SHISA9: variants seen among roughly 807,000 people sequenced by gnomAD.
SHISA9 encodes shisa family member 9.
A neutral mutation model predicts 38.0 loss-of-function variants in SHISA9; 13 were observed. That is an observed-to-expected ratio of 0.34 (90% CI 0.22 to 0.54). The LOEUF is 0.54. SHISA9 is among the 20% of genes least tolerant of loss of function. The probability of loss-of-function intolerance (pLI) is 0.91; values close to 1 mark genes in which losing one functional copy is unlikely to be tolerated. For synonymous variants in SHISA9, 275 were observed against 242.0 expected (o/e 1.14, Z -1.27); for missense variants, 538 against 575.8 (o/e 0.93, Z 0.67).
chr16:13,484,103 G>A, the SHISA9 span, among the ~76,000 whole-genome samples: 1 of 152,256 alleles, frequency 6.6e-6, no homozygotes, highest in African/African-American at 2.4e-5. Flanking sequence ...TCTCCAGGCA[G>A]ATAGTGTAAG....
At chr16:13,200,437 C>T (rs997658730) in intron 2 of SHISA9, among the ~76,000 whole-genome samples, 1 of 132,696 alleles carries the variant, frequency 7.5e-6, no homozygotes, top group African/African-American at 3.4e-5. Flanking sequence ...CACACACACA[C>T]ACACAGCAGC....
In SHISA9 at chr16:12,985,271, AAATGGAAGAGGTGTTG is replaced by A. The variant is rs774422378; in HGVS notation, c.691+68457_691+68472del. Reference sequence around the variant, plus strand: ...TAAATAAATAAATAAATAAATAAATAAATGGAAGAGGTGTTGGATGGGAGAGGGTGTTGGAAAGAAT... The same window carrying A: ...TAAATAAATAAATAAATAAATAAATAGATGGGAGAGGGTGTTGGAAAGAAT... On this transcript the variant is annotated intron_variant, in intron 2 of 4. Transcript: ENST00000558583. 2.2e-3 allele frequency among the ~76,000 whole-genome samples: 314 copies of A among 144,814 alleles called. 1 individual carries two copies. Among genetic ancestry groups the A allele is most frequent in the Admixed American group, 5.9e-3 (85 of 14,518 alleles).
intron 2 of SHISA9, among the ~76,000 whole-genome samples, chr16:12,974,476 GT>G (rs2072127998): frequency 1.4e-5 from 2 of 138,448 alleles, no homozygotes; most frequent in African/African-American, 5.3e-5. Context: ...GTGATTTCTG[GT>G]GGTTTTTTTT....
chr16:13,437,548 G>GC, the SHISA9 span, among the ~76,000 whole-genome samples: 1 of 152,092 alleles, frequency 6.6e-6, no homozygotes, highest in South Asian at 2.1e-4. Flanking sequence ...ACCCAGCCTG[G>GC]CCCCAGGGCC....
chr16:13,450,889 C>T, the SHISA9 span, among the ~76,000 whole-genome samples: 4 of 152,160 alleles, frequency 2.6e-5, no homozygotes, highest in Non-Finnish European at 5.9e-5. Context: ...AGGAATCATG[C>T]ATTCATTCAT....
chr16:12,936,360 G>T (rs2071532800), intron 2 of SHISA9, among the ~76,000 whole-genome samples: 1 of 152,174 alleles, frequency 6.6e-6, no homozygotes, highest in Non-Finnish European at 1.5e-5. Context: ...AGCCAGGTTG[G>T]TCCAATGTCA....
chr16:13,443,137 C>T, the SHISA9 span, among the ~76,000 whole-genome samples: 1 of 152,172 alleles, frequency 6.6e-6, no homozygotes, highest in Non-Finnish European at 1.5e-5. Context: ...TGGGAAAGTT[C>T]ACTGGACAAA....
chr16:13,558,048 C>CA, the SHISA9 span, among the ~76,000 whole-genome samples: 31 of 151,908 alleles, frequency 2.0e-4, no homozygotes, highest in African/African-American at 7.0e-4. Context: ...GTGACAGAGA[C>CA]CAAAAAAAAT....
the SHISA9 span, among the ~76,000 whole-genome samples, chr16:13,301,657 G>A: frequency 6.6e-6 from 1 of 152,158 alleles, no homozygotes; most frequent in Admixed American, 6.5e-5. Context: ...TTTCCTAACT[G>A]AGTTGACTTA....
chr16:13,400,258 G>A, the SHISA9 span, among the ~76,000 whole-genome samples: 4 of 152,108 alleles, frequency 2.6e-5, no homozygotes, highest in African/African-American at 9.7e-5. Context: ...CAGGCTCCCA[G>A]TGTGACCCAG....
chr16:13,382,961 C>G, the SHISA9 span, among the ~76,000 whole-genome samples: 1 of 152,032 alleles, frequency 6.6e-6, no homozygotes, highest in East Asian at 1.9e-4. Context: ...TCATTGATAC[C>G]TCCATGTAAC....
At chr16:13,482,983 A>G in the SHISA9 span, among the ~76,000 whole-genome samples, 1 of 152,112 alleles carries the variant, frequency 6.6e-6, no homozygotes, top group Non-Finnish European at 1.5e-5. Flanking sequence ...AACTGGAGCA[A>G]TGTTTACTGG....
At chr16:13,223,058 A>C (rs1227214933) in intron 4 of SHISA9, among the ~76,000 whole-genome samples, 1 of 152,200 alleles carries the variant, frequency 6.6e-6, no homozygotes, top group South Asian at 2.1e-4. Context: ...AAGCTTAGAG[A>C]TTTGAACCCA....
intron 2 of SHISA9, among the ~76,000 whole-genome samples, chr16:13,122,773 A>G (rs1385845401): frequency 4.6e-5 from 7 of 152,244 alleles, no homozygotes; most frequent in East Asian, 1.9e-4. Context: ...AGGGCTGGGC[A>G]TGGTGATTCA....
At chr16:13,386,488 C>A in the SHISA9 span, among the ~76,000 whole-genome samples, 1 of 152,190 alleles carries the variant, frequency 6.6e-6, no homozygotes. Context: ...CTCTGCCTAG[C>A]TTCCTCTTCA....
In SHISA9 at chr16:13,090,610, G is replaced by C. The variant is rs558780291; in HGVS notation, c.692-112784G>C. On this transcript the variant is annotated intron_variant, in intron 2 of 4. Coordinates refer to ENST00000558583, the MANE Select transcript of SHISA9 (RefSeq NM_001145204.3). The stretch of plus-strand genomic sequence containing the variant: ...TGGTTTAAAGTCTGTTTTATGAGAG[G>C]CTAGGATTGCAACTCCTGCTGTTTT... Among the ~76,000 whole-genome samples the C allele has an allele frequency of 3.3e-5, 5 of 151,952 alleles. No individual in the cohort carries two copies. In the South Asian group the frequency reaches 1.0e-3, roughly 32 times the overall value.
intron 2 of SHISA9, among the ~76,000 whole-genome samples, chr16:13,064,784 C>CAAAAAAAAAAAAAAAAAAA (rs72435637): frequency 1.2e-5 from 1 of 82,370 alleles, no homozygotes; most frequent in Non-Finnish European, 3.0e-5. Flanking sequence ...AGTTGTAAGG[C>CAAAAAAAAAAAAAAAAAAA]AAAAAAAAAA....
At chr16:13,354,770 G>C in the SHISA9 span, among the ~76,000 whole-genome samples, 1 of 152,150 alleles carries the variant, frequency 6.6e-6, no homozygotes. Context: ...ACCATGCCTA[G>C]GAAGAAAAGG....
At chr16:13,387,778 A>G in the SHISA9 span, among the ~76,000 whole-genome samples, 124,559 of 152,112 alleles carry the variant, frequency 0.82, 51,134 homozygotes, top group East Asian at 0.96. Flanking sequence ...GTGAGCCACC[A>G]CACCTGGCCT....
Sources: allele counts gnomAD v4.1 joint callset (sites outside exome capture counted in the v4.1 genomes callset), GRCh38; gene constraint gnomAD v4.1.1; transcripts MANE v1.5; gene names NCBI Gene and HGNC (gene_info 2026-07-23, HGNC 2026-07-21).